The following TICAM2 variants were observed in gnomAD, a reference collection of about 807,000 sequenced individuals.
TICAM2 encodes the protein TIR domain containing adaptor molecule 2.
A neutral mutation model predicts 7.3 loss-of-function variants in TICAM2; 8 were observed. That is an observed-to-expected ratio of 1.10 (90% CI 0.65 to 1.99). TICAM2 has a LOEUF of 1.99. TICAM2 is among the 30% of genes most tolerant of loss of function. The probability of loss-of-function intolerance (pLI) is 0.00; values close to 1 mark genes in which losing one functional copy is unlikely to be tolerated. For missense variants in TICAM2, 304 were observed against 278.8 expected (o/e 1.09, Z -0.65); for synonymous variants, 113 against 99.6 (o/e 1.13, Z -0.80).
intron 1 of TICAM2, 75 bp downstream of exon 1, chr5:115,602,022 C>G (rs1052803904): frequency 6.6e-6 from 1 of 152,040 alleles, no homozygotes; most frequent in African/African-American, 2.4e-5. Flanking sequence ...CAGACCACCC[C>G]GCGCCCCTGG....
At chr5:115,599,736 A>T (rs1017911288) in intron 1 of TICAM2, among the ~76,000 whole-genome samples, 1 of 152,234 alleles carries the variant, frequency 6.6e-6, no homozygotes, top group East Asian at 1.9e-4. Flanking sequence ...ACAGCAGCAC[A>T]ATCAGTGTTA....
At chr5:115,588,643 T>C (rs1391746432) in intron 1 of TICAM2, among the ~76,000 whole-genome samples, 2 of 152,246 alleles carry the variant, frequency 1.3e-5, no homozygotes, top group Non-Finnish European at 2.9e-5. Context: ...CTTCCTGTAC[T>C]TTCTGTACCA....
rs1754838374 is a variant in TICAM2 at position 115,579,477 on chromosome 5, C to G, written c.*1072G>C. ...GACATGACCCATTCTCCACCCCATC[C>G]CTGATCTCAAGTGGACGATGCTCCC... On this transcript the variant is annotated 3_prime_UTR_variant, in exon 2 of 2. Transcript: ENST00000427199. 1 of 152,218 alleles carries G rather than the reference C, an allele frequency of 6.6e-6. No homozygotes were observed. Among genetic ancestry groups the G allele is most frequent in the African/African-American group, 2.4e-5 (1 of 41,452 alleles). 9.4% of individuals were successfully genotyped at this position (152,218 alleles called of 1,614,324 possible).
At chr5:115,585,652 C>T (rs1243198685) in intron 1 of TICAM2, among the ~76,000 whole-genome samples, 1 of 152,122 alleles carries the variant, frequency 6.6e-6, no homozygotes, top group East Asian at 1.9e-4. Flanking sequence ...AATCAAGGAT[C>T]CAAACACTAT....
rs185055449 is a variant in TICAM2, at chr5:115,592,378, A to T, written c.-60+9719T>A. On this transcript the variant is annotated intron_variant, in intron 1 of 1. Coordinates refer to ENST00000427199, the MANE Select transcript of TICAM2 (RefSeq NM_021649.7). ...TTCTTCAACTTTTAACTTCAGAGGT[A>T]CATTTACAGGATGTGCAGGATTACT... Among the ~76,000 whole-genome samples, 213 of 152,358 alleles carry T rather than the reference A, an allele frequency of 1.4e-3. 1 individual carries two copies. The highest frequency in any genetic ancestry group is 5.0e-3 in the African/African-American group (206 of 41,586).
At chr5:115,588,618 C>T (rs78814691) in intron 1 of TICAM2, among the ~76,000 whole-genome samples, 1,984 of 152,326 alleles carry the variant, frequency 0.013, 46 homozygotes, top group African/African-American at 0.046. Flanking sequence ...TTATTCCTGT[C>T]TCTTTTTACT....
chr5:115,597,007 C>G (rs895150550), intron 1 of TICAM2, among the ~76,000 whole-genome samples: 2 of 152,186 alleles, frequency 1.3e-5, no homozygotes, highest in Non-Finnish European at 2.9e-5. Context: ...AGAACAACTG[C>G]CCAGCAACTT....
In TICAM2 at chr5:115,586,546, G is replaced by A. The variant is rs149007831; in HGVS notation, c.-59-5231C>T. On this transcript the variant is annotated intron_variant, in intron 1 of 1. Coordinates refer to ENST00000427199, the MANE Select transcript of TICAM2 (RefSeq NM_021649.7). ...CCCCAGCTGCTAAGGAAAGAAAACAGTTCAAGAGAAAGACAGTGCTTAACC... is the reference window on the plus strand; with the variant it reads ...CCCCAGCTGCTAAGGAAAGAAAACAATTCAAGAGAAAGACAGTGCTTAACC... Among the ~76,000 whole-genome samples, 424 of 152,214 alleles carry A rather than the reference G, an allele frequency of 2.8e-3. 5 individuals carry two copies. Among genetic ancestry groups the A allele is most frequent in the African/African-American group, 9.7e-3 (402 of 41,544 alleles).
chr5:115,578,983 T>C lies in TICAM2; in HGVS notation c.*1566A>G, dbSNP rs1390260298. 1 of 152,594 alleles carries C rather than the reference T, an allele frequency of 6.6e-6. No homozygotes were observed. Among genetic ancestry groups the C allele is most frequent in the Non-Finnish European group, 1.5e-5 (1 of 68,024 alleles). The allele number at this position is 152,594 out of a possible 1,614,324, so 9.5% of individuals were successfully genotyped here. ...CTATGAAGAGGTAACTGCAAAAAGA[T>C]GTGTGCAGATCCCGGTACTGGTAGG... On this transcript the variant is annotated 3_prime_UTR_variant, in exon 2 of 2. Coordinates refer to ENST00000427199, the MANE Select transcript of TICAM2 (RefSeq NM_021649.7).
At chr5:115,598,020 G>C (rs900070904) in intron 1 of TICAM2, among the ~76,000 whole-genome samples, 2 of 151,986 alleles carry the variant, frequency 1.3e-5, no homozygotes, top group East Asian at 3.9e-4. Context: ...AAGAACTCAC[G>C]TGTTCTTCAC....
At chr5:115,582,338 GT>G (rs78204537) in intron 1 of TICAM2, among the ~76,000 whole-genome samples, 1,794 of 128,798 alleles carry the variant, frequency 0.014, 13 homozygotes, top group African/African-American at 0.027. Flanking sequence ...TTTTTTTTTG[GT>G]TTTTTTTTTT....
At chr5:115,599,691 A>C (rs1481060675) in intron 1 of TICAM2, among the ~76,000 whole-genome samples, 8 of 152,208 alleles carry the variant, frequency 5.3e-5, no homozygotes. Flanking sequence ...TACAGTGTGC[A>C]ATGGTCTAGC....
intron 1 of TICAM2, among the ~76,000 whole-genome samples, chr5:115,599,032 C>T (rs1755615340): frequency 6.7e-6 from 1 of 148,204 alleles, no homozygotes; most frequent in East Asian, 2.0e-4. Context: ...AGTTTAAGAC[C>T]AGCCTGGGCA....
chr5:115,587,404 T>C (rs1370766320), intron 1 of TICAM2, among the ~76,000 whole-genome samples: 2 of 152,186 alleles, frequency 1.3e-5, no homozygotes, highest in African/African-American at 2.4e-5. Flanking sequence ...TTGTATTCTA[T>C]TGGAAGATGG....
chr5:115,584,593 G>C (rs114451918), intron 1 of TICAM2, among the ~76,000 whole-genome samples: 3,347 of 152,250 alleles, frequency 0.022, 130 homozygotes, highest in African/African-American at 0.076. Context: ...GCTCTCCGTA[G>C]GGCTGAGCCT....
At chr5:115,596,368 T>C (rs769344207) in intron 1 of TICAM2, among the ~76,000 whole-genome samples, 5 of 152,228 alleles carry the variant, frequency 3.3e-5, no homozygotes, top group Admixed American at 6.5e-5. Context: ...CTGTGCTTGA[T>C]ATAAAAATTT....
At chr5:115,594,623 C>T (rs1755436975) in intron 1 of TICAM2, among the ~76,000 whole-genome samples, 1 of 152,088 alleles carries the variant, frequency 6.6e-6, no homozygotes, top group South Asian at 2.1e-4. Context: ...TGTTTTCTAG[C>T]AAACAGTTTT....
At chr5:115,587,455 T>C (rs1220165258) in intron 1 of TICAM2, among the ~76,000 whole-genome samples, 2 of 152,144 alleles carry the variant, frequency 1.3e-5, no homozygotes, top group African/African-American at 4.8e-5. Flanking sequence ...AAGTTTAGGT[T>C]TGTAAAGAAA....
chr5:115,598,228 C>A (rs1755586423), intron 1 of TICAM2, among the ~76,000 whole-genome samples: 1 of 152,096 alleles, frequency 6.6e-6, no homozygotes, highest in African/African-American at 2.4e-5. Context: ...TTATATATAT[C>A]TTTTCCAACA....
Sources: allele counts gnomAD v4.1 joint callset (sites outside exome capture counted in the v4.1 genomes callset), GRCh38; gene constraint gnomAD v4.1.1; transcripts MANE v1.5; gene names NCBI Gene and HGNC (gene_info 2026-07-23, HGNC 2026-07-21).